Variants in RNF150 observed in about 807,000 individuals in gnomAD.
RNF150 encodes the protein ring finger protein 150.
A neutral mutation model predicts 39.3 loss-of-function variants in RNF150; 24 were observed. The ratio of observed to expected loss-of-function variants is 0.61; its 90% CI spans 0.44 to 0.86. The LOEUF is 0.86. Among genes scored for constraint, RNF150 ranks in the 40% least tolerant of loss-of-function variants. The pLI is 0.00. For synonymous variants in RNF150, 255 were observed against 227.3 expected (o/e 1.12, Z -1.10); for missense variants, 502 against 587.8 (o/e 0.85, Z 1.51).
At position 140,911,193 on chromosome 4, in the gene RNF150, C is replaced by T; in HGVS notation, c.1149G>A (p.Gln383=). The T allele has an allele frequency of 6.2e-7, 1 of 1,614,128 alleles. No homozygotes were observed. ...VRTVGALQVV[Q]DTDPIPQEGD... is the part of the protein sequence containing the mutation. ...CCTCCTGGGGGATGGGGTCTGTATC[C>T]TGGACCACCTGCAAGGCTCCCACAG... is the stretch of plus-strand genomic sequence containing the variant. Residue 383 remains glutamine (Q), a synonymous_variant, in exon 6 of 7, where the codon CAG becomes CAA. Transcript: ENST00000515673.
chr4:141,155,596 T>C (rs1020324616), intron 1 of RNF150, among the ~76,000 whole-genome samples: 1 of 152,184 alleles, frequency 6.6e-6, no homozygotes, highest in Non-Finnish European at 1.5e-5. Context: ...AAATTGGGTA[T>C]GCAAGTATGA....
intron 6 of RNF150, among the ~76,000 whole-genome samples, chr4:140,877,702 A>G (rs943183043): frequency 6.6e-6 from 1 of 152,226 alleles, no homozygotes; most frequent in African/African-American, 2.4e-5. Context: ...GTATCCATAG[A>G]AATGTAATAC....
chr4:141,178,881 C>T (rs530709928), intron 1 of RNF150, among the ~76,000 whole-genome samples: 12 of 151,840 alleles, frequency 7.9e-5, no homozygotes, highest in Non-Finnish European at 1.3e-4. Flanking sequence ...AATATGTGTT[C>T]CTACCACCTA....
intron 5 of RNF150, among the ~76,000 whole-genome samples, chr4:140,916,819 G>A (rs1414497588): frequency 1.3e-5 from 2 of 152,176 alleles, no homozygotes; most frequent in African/African-American, 4.8e-5. Flanking sequence ...ACAAAGGGAA[G>A]CCCATCAGAC....
chr4:140,916,859 C>T (rs1166563970), intron 5 of RNF150, among the ~76,000 whole-genome samples: 1 of 152,222 alleles, frequency 6.6e-6, no homozygotes, highest in East Asian at 1.9e-4. Flanking sequence ...AGAAACTCTA[C>T]AAGCCAGAAG....
chr4:141,211,827 A>C (rs1728473627), intron 1 of RNF150, among the ~76,000 whole-genome samples: 1 of 152,204 alleles, frequency 6.6e-6, no homozygotes. Context: ...TTTACTGTCA[A>C]TATTTTAATC....
At chr4:141,067,340 T>G (rs925421497) in intron 1 of RNF150, among the ~76,000 whole-genome samples, 1 of 152,192 alleles carries the variant, frequency 6.6e-6, no homozygotes, top group Non-Finnish European at 1.5e-5. Context: ...GCAGAGAAAG[T>G]GCAAATCAGC....
At chr4:141,144,569 T>C (rs1455431830) in intron 1 of RNF150, among the ~76,000 whole-genome samples, 4 of 152,216 alleles carry the variant, frequency 2.6e-5, no homozygotes, top group Non-Finnish European at 5.9e-5. Flanking sequence ...TTGCTCTTGA[T>C]GTTTATTAAT....
chr4:141,057,121 T>C (rs925890404), intron 1 of RNF150, among the ~76,000 whole-genome samples: 4 of 152,096 alleles, frequency 2.6e-5, no homozygotes, highest in African/African-American at 9.7e-5. Context: ...TAAACTGGTG[T>C]ACCATCAGGC....
chr4:141,050,950 C>A lies in RNF150; in HGVS notation c.484+81375G>T, dbSNP rs185690644. 5.3e-5 allele frequency among the ~76,000 whole-genome samples: 8 copies of A among 152,310 alleles called. No homozygotes were observed. In the East Asian group the frequency reaches 1.6e-3, roughly 30 times the overall value. ...TCTGCACTGCCCTAGCCGAGGTTCT[C>A]CCTGATGGCCCTGTCCCTGTAGCAA... On this transcript the variant is annotated intron_variant, in intron 1 of 6. Coordinates refer to ENST00000515673, the MANE Select transcript of RNF150 (RefSeq NM_020724.2).
At chr4:140,911,797 G>C (rs539961105) in intron 5 of RNF150, among the ~76,000 whole-genome samples, 38 of 152,240 alleles carry the variant, frequency 2.5e-4, no homozygotes, top group African/African-American at 7.7e-4. Context: ...TGATATGAGA[G>C]TGGGAGGGAG....
intron 1 of RNF150, among the ~76,000 whole-genome samples, chr4:140,982,039 G>A (rs1201118850): frequency 6.6e-6 from 1 of 152,024 alleles, no homozygotes; most frequent in African/African-American, 2.4e-5. Flanking sequence ...TAGTGTTAAC[G>A]TCATCTTCAC....
intron 4 of RNF150, among the ~76,000 whole-genome samples, chr4:140,947,308 G>C (rs2111371464): frequency 6.6e-6 from 1 of 152,184 alleles, no homozygotes; most frequent in African/African-American, 2.4e-5. Flanking sequence ...AAATAGTACT[G>C]GTAAAAGCCA....
chr4:140,938,853 G>A (rs1684528368), intron 4 of RNF150, among the ~76,000 whole-genome samples: 1 of 152,088 alleles, frequency 6.6e-6, no homozygotes, highest in Admixed American at 6.5e-5. Context: ...TACTTAAAGA[G>A]TCAATTAATA....
chr4:141,132,726 C>A lies in RNF150; in HGVS notation c.83G>T (p.Cys28Phe). The A allele has an allele frequency of 6.2e-7, 1 of 1,610,668 alleles. No individual in the cohort carries two copies. Among genetic ancestry groups the A allele is most frequent in the Non-Finnish European group, 8.5e-7 (1 of 1,178,718 alleles). ...LLSFCFVHLL[C>F]LDFTVAEKEE... ...CTTCTCGGCCACGGTAAAGTCCAGG[C>A]AGAGCAGATGCACGAAACAAAAGGA... Residue 28 changes from cysteine to phenylalanine, a missense_variant, in exon 1 of 7, where the codon TGC becomes TTC. By Grantham distance (205) the Cys-to-Phe change is radical (BLOSUM62 -2). Transcript: ENST00000515673. This position sits in a 1 kb window ranked among gnomAD's most constrained non-coding sequence, Gnocchi z 4.9.
intron 1 of RNF150, among the ~76,000 whole-genome samples, chr4:141,041,054 T>A (rs1462872810): frequency 6.6e-6 from 1 of 152,094 alleles, no homozygotes; most frequent in Non-Finnish European, 1.5e-5. Flanking sequence ...ACCAAACGGT[T>A]TAGTAAATGT....
chr4:141,147,061 C>T (rs1329791618), intron 1 of RNF150, among the ~76,000 whole-genome samples: 3 of 152,114 alleles, frequency 2.0e-5, no homozygotes, highest in Admixed American at 6.5e-5. Context: ...CTCAATCGCT[C>T]CTCCCACCTC....
chr4:141,104,808 T>C (rs1477643555), intron 1 of RNF150, among the ~76,000 whole-genome samples: 1 of 152,166 alleles, frequency 6.6e-6, no homozygotes, highest in East Asian at 1.9e-4. Flanking sequence ...CATTTGTGAG[T>C]TTGGAAAGGA....
intron 1 of RNF150, among the ~76,000 whole-genome samples, chr4:141,148,800 T>C (rs1206289035): frequency 6.6e-6 from 1 of 152,140 alleles, no homozygotes; most frequent in Non-Finnish European, 1.5e-5. Flanking sequence ...ATTAAAACTG[T>C]CTAATCCATT....
Sources: allele counts gnomAD v4.1 joint callset (sites outside exome capture counted in the v4.1 genomes callset), GRCh38; gene constraint gnomAD v4.1.1; non-coding constraint Gnocchi (gnomAD v3.1); transcripts MANE v1.5; gene names NCBI Gene and HGNC (gene_info 2026-07-23, HGNC 2026-07-21).